The following JAKMIP3 variants were observed in gnomAD, a reference collection of about 807,000 sequenced individuals.
The protein encoded by JAKMIP3 is janus kinase and microtubule-interacting protein 3.
In JAKMIP3, 58 loss-of-function variants were observed where a neutral mutation model predicts 118.5. That is an observed-to-expected ratio of 0.49 (90% CI 0.40 to 0.61). JAKMIP3 has a LOEUF of 0.61. Ranked by LOEUF, JAKMIP3 falls within the 20% of genes least tolerant of loss-of-function variation. The pLI is 0.00. For synonymous variants in JAKMIP3, 486 were observed against 451.2 expected, an observed-to-expected ratio of 1.08 and a Z score of -0.98; for missense variants, 950 against 1,109.0, an observed-to-expected ratio of 0.86 and a Z score of 2.04.
chr10:132,042,085 T>G (rs911057774), intron 1 of JAKMIP3, among the ~76,000 whole-genome samples: 1 of 152,094 alleles, frequency 6.6e-6, no homozygotes, highest in Non-Finnish European at 1.5e-5. Context: ...CAGGCTAGTC[T>G]TGAATCCTGA....
intron 1 of JAKMIP3, among the ~76,000 whole-genome samples, chr10:132,069,995 C>T (rs887706076): frequency 7.9e-5 from 12 of 152,156 alleles, no homozygotes; most frequent in African/African-American, 2.9e-4. Context: ...GAGAGTGACA[C>T]GGGGCTGGCA....
chr10:132,041,152 G>A (rs764112982), intron 1 of JAKMIP3, among the ~76,000 whole-genome samples: 1 of 152,094 alleles, frequency 6.6e-6, no homozygotes, highest in Non-Finnish European at 1.5e-5. Flanking sequence ...GCCTCCTGGG[G>A]TCAAGCGACT....
intron 2 of JAKMIP3, among the ~76,000 whole-genome samples, chr10:132,109,125 C>T (rs12247924): frequency 0.39 from 36,611 of 94,366 alleles, 6,641 homozygotes; most frequent in South Asian, 0.49. Flanking sequence ...TATATATATA[C>T]ACACACACAT....
At chr10:132,128,006 A>G (rs2049950332) in intron 3 of JAKMIP3, among the ~76,000 whole-genome samples, 1 of 152,184 alleles carries the variant, frequency 6.6e-6, no homozygotes, top group African/African-American at 2.4e-5. Context: ...TAAGCAGCCA[A>G]TGGTCTTTTA....
upstream of JAKMIP3, among the ~76,000 whole-genome samples, chr10:132,059,844 T>G (rs114667825): frequency 6.6e-6 from 1 of 152,186 alleles, no homozygotes; most frequent in African/African-American, 2.4e-5. Context: ...GACTTTACCT[T>G]GGAGAACCAG....
At chr10:132,097,745 C>T (rs1211861728) in intron 1 of JAKMIP3, among the ~76,000 whole-genome samples, 1 of 108,054 alleles carries the variant, frequency 9.3e-6, no homozygotes, top group Non-Finnish European at 2.0e-5. Flanking sequence ...TTATCTCAAA[C>T]TAAAAGTTTT....
At chr10:132,126,852 T>A (rs1007522246) in intron 3 of JAKMIP3, among the ~76,000 whole-genome samples, 4 of 152,242 alleles carry the variant, frequency 2.6e-5, no homozygotes, top group Non-Finnish European at 5.9e-5. Flanking sequence ...CCATGATATA[T>A]TGTCTATTTT....
At chr10:132,109,609 C>T (rs1055092269) in intron 2 of JAKMIP3, among the ~76,000 whole-genome samples, 1 of 152,162 alleles carries the variant, frequency 6.6e-6, no homozygotes, top group Non-Finnish European at 1.5e-5. Context: ...TCCTGAGGAC[C>T]CTGGAGCCTC....
chr10:132,071,835 C>CCTCTCCTTTCTTTCTTTCCTTT (rs2039927547), intron 1 of JAKMIP3, among the ~76,000 whole-genome samples: 1 of 25,142 alleles, frequency 4.0e-5, no homozygotes, highest in African/African-American at 1.8e-4. Context: ...TCCTTTCTTC[C>CCTCTCCTTTCTTTCTTTCCTTT]CTTTCCTTTC....
rs1376673872 is a variant in JAKMIP3 at position 132,036,824 on chromosome 10, TGGCGGCCGTGG to T, written c.-138+92_-138+102del. On this transcript the variant is annotated intron_variant, in intron 1 of 23. Transcript: ENST00000657785. Reference sequence around the variant, plus strand: ...CGGTGCGTCCGGGACGCGGGCGCCCTGGCGGCCGTGGGGCGGGCGGGGGGCGACGTCCCGAG... The same window carrying T: ...CGGTGCGTCCGGGACGCGGGCGCCCTGGCGGGCGGGGGGCGACGTCCCGAG... 4.6e-5 allele frequency among the ~76,000 whole-genome samples: 7 copies of T among 151,234 alleles called. 1 individual carries two copies. Among genetic ancestry groups the T allele is most frequent in the Admixed American group, 3.9e-4 (6 of 15,196 alleles).
chr10:132,084,495 C>A (rs1313270483), intron 1 of JAKMIP3, among the ~76,000 whole-genome samples: 1 of 152,252 alleles, frequency 6.6e-6, no homozygotes, highest in East Asian at 1.9e-4. Context: ...AGTGACAATT[C>A]GACTTCCTCT....
chr10:132,087,005 G>T (rs2042481070), intron 1 of JAKMIP3, among the ~76,000 whole-genome samples: 2 of 152,200 alleles, frequency 1.3e-5, no homozygotes, highest in African/African-American at 4.8e-5. Context: ...GTCTTTCCAG[G>T]ATTTGTTTCA....
chr10:132,174,206 C>G (rs1176516943), intron 23 of JAKMIP3, among the ~76,000 whole-genome samples: 2 of 147,638 alleles, frequency 1.4e-5, no homozygotes, highest in Non-Finnish European at 3.0e-5. Flanking sequence ...CATCCCCAAG[C>G]TGCCTCCTGC....
At chr10:132,086,858 C>G (rs997236335) in intron 1 of JAKMIP3, among the ~76,000 whole-genome samples, 2 of 152,182 alleles carry the variant, frequency 1.3e-5, no homozygotes, top group African/African-American at 2.4e-5. Context: ...CATTTACATT[C>G]AACATTAGTA....
chr10:132,107,281 CAT>C (rs2046061467), intron 2 of JAKMIP3, among the ~76,000 whole-genome samples: 1 of 152,216 alleles, frequency 6.6e-6, no homozygotes, highest in African/African-American at 2.4e-5. Context: ...ACAACAGCAT[CAT>C]GTGATTTTTT....
chr10:132,121,823 T>G (rs974719113), intron 3 of JAKMIP3, among the ~76,000 whole-genome samples: 15 of 152,096 alleles, frequency 9.9e-5, no homozygotes, highest in Non-Finnish European at 1.8e-4. Context: ...AGGGCGCTGC[T>G]TCTATGGGGT....
chr10:132,051,612 T>G (rs1315425182), intron 1 of JAKMIP3, among the ~76,000 whole-genome samples: 1 of 152,104 alleles, frequency 6.6e-6, no homozygotes, highest in Non-Finnish European at 1.5e-5. Flanking sequence ...TTTTTTTTTT[T>G]CTTTTTGAGA....
At chr10:132,071,831 C>CTTTCT (rs1349289868) in intron 1 of JAKMIP3, among the ~76,000 whole-genome samples, 7 of 119,706 alleles carry the variant, frequency 5.8e-5, no homozygotes, top group East Asian at 2.9e-4. Context: ...TCTTTCCTTT[C>CTTTCT]TTCCCTTTCC....
At chr10:132,180,654 T>TGC (rs1226150154) in intron 23 of JAKMIP3, among the ~76,000 whole-genome samples, 6 of 24,290 alleles carry the variant, frequency 2.5e-4, no homozygotes, top group East Asian at 2.9e-3. Flanking sequence ...TGCGTGTGCG[T>TGC]GTGCGTGTGT....
Sources: allele counts gnomAD v4.1 joint callset (sites outside exome capture counted in the v4.1 genomes callset), GRCh38; gene constraint gnomAD v4.1.1; transcripts MANE v1.5; gene names NCBI Gene and HGNC (gene_info 2026-07-23, HGNC 2026-07-21).